The following PRKCZ variants were observed in gnomAD, a reference collection of about 807,000 sequenced individuals.
PRKCZ encodes the protein protein kinase C zeta, also known as protein kinase C zeta type.
In PRKCZ, 33 loss-of-function variants were observed where a neutral mutation model predicts 79.5. That is an observed-to-expected ratio of 0.41 (90% CI 0.31 to 0.55). The LOEUF (loss-of-function observed/expected upper bound fraction) is 0.55. Among genes scored for constraint, PRKCZ ranks in the 20% least tolerant of loss-of-function variants. PRKCZ has a pLI of 0.19. For synonymous variants in PRKCZ, 342 were observed against 320.9 expected (o/e 1.07, Z -0.70); for missense variants, 578 against 813.5 (o/e 0.71, Z 3.52).
At chr1:2,152,131 A>G (rs1240033633) in intron 9 of PRKCZ, among the ~76,000 whole-genome samples, 1 of 152,196 alleles carries the variant, frequency 6.6e-6, no homozygotes, top group African/African-American at 2.4e-5. Context: ...GATTACAGGC[A>G]TGAGTCACTA....
At chr1:2,143,884 C>G in intron 5 of PRKCZ, 1 of 258,950 alleles carries the variant, frequency 3.9e-6, no homozygotes, top group South Asian at 5.2e-5. Flanking sequence ...GGAGCTGCAG[C>G]CCCCCAGCCC....
At chr1:2,148,691 TGTGA>T (rs1679233414) in intron 7 of PRKCZ, among the ~76,000 whole-genome samples, 177 bp from the exon 8 acceptor site, 1 of 152,134 alleles carries the variant, frequency 6.6e-6, no homozygotes, top group South Asian at 2.1e-4. Context: ...AGTCGGCAGG[TGTGA>T]GTGGGGCCCA....
chr1:2,074,081 T>G, intron 4 of PRKCZ: 2 of 1,489,992 alleles, frequency 1.3e-6, no homozygotes, highest in Non-Finnish European at 1.8e-6. Flanking sequence ...GCACAGATGC[T>G]CCGGGCAGCA....
chr1:2,089,019 C>T (rs1665020894), intron 4 of PRKCZ, among the ~76,000 whole-genome samples: 2 of 152,190 alleles, frequency 1.3e-5, no homozygotes, highest in Non-Finnish European at 2.9e-5. Flanking sequence ...ATAGAAAATA[C>T]TAGTGATACG....
In PRKCZ at chr1:2,149,995, A is replaced by G. The variant is rs1679517012; in HGVS notation, c.688-795A>G. ...AACACGGTGAAACCCCGTCTCTACT[A>G]AAAATACAAAAAAAAAAAAAGCTGG... On this transcript the variant is annotated intron_variant, in intron 8 of 17. Transcript: ENST00000378567. This position sits in a 1 kb window ranked among gnomAD's most constrained non-coding sequence, Gnocchi z 4.1. Among the ~76,000 whole-genome samples, 1 of 150,770 alleles carries G rather than the reference A, an allele frequency of 6.6e-6. No homozygotes were observed. The highest frequency in any genetic ancestry group is 2.1e-4 in the South Asian group (1 of 4,782).
At chr1:2,169,670 G>T (rs1306970829) in intron 11 of PRKCZ, 66 bp downstream of exon 11, 79 of 893,894 alleles carry the variant, frequency 8.8e-5, no homozygotes, top group Non-Finnish European at 1.2e-4. Context: ...TGCGTGCGGT[G>T]TTGGGGGGCT....
intron 5 of PRKCZ, among the ~76,000 whole-genome samples, chr1:2,138,247 A>G (rs1056030190): frequency 2.6e-5 from 4 of 152,342 alleles, no homozygotes; most frequent in African/African-American, 9.6e-5. Context: ...TGAAGCGAGG[A>G]TGAAAGAGTG....
At chr1:2,155,909 A>C (rs1680942528) in intron 9 of PRKCZ, 86 bp from the exon 10 acceptor site, 3 of 1,140,594 alleles carry the variant, frequency 2.6e-6, no homozygotes, top group Non-Finnish European at 4.0e-6. Flanking sequence ...CGGAGGAAAG[A>C]GACTCCTCCC....
At position 2,144,432 on chromosome 1, in the gene PRKCZ, G is replaced by C. The variant is rs1204297181; in HGVS notation, c.552+91G>C. ...TGTCCAAGCAGACCTTGGTGACCCTGGGTTCTTCAAGAGGGGCCGTGGTGC... is the reference window on the plus strand; with the variant it reads ...TGTCCAAGCAGACCTTGGTGACCCTCGGTTCTTCAAGAGGGGCCGTGGTGC... On this transcript the variant is annotated intron_variant, in intron 6 of 17. Coordinates refer to ENST00000378567, the MANE Select transcript of PRKCZ (RefSeq NM_002744.6). 3 of 1,508,748 alleles carry C rather than the reference G, an allele frequency of 2.0e-6. No homozygotes were observed. The African/African-American group carries it at 4.2e-5, about 21-fold the overall frequency. 93.5% of individuals were successfully genotyped at this position (1,508,748 alleles called of 1,614,324 possible). A position where few individuals can be genotyped will look rare whatever the true frequency, so the allele number is the denominator to read the frequency against.
Position 2,055,508 on chromosome 1 carries a change from A to G in PRKCZ, c.139A>G (p.Met47Val), listed in dbSNP as rs771971829. The change falls in exon 2 of 18, where the codon ATG becomes GTG. Residue 47 changes from methionine to valine, a missense_variant. By Grantham distance (21) the Met-to-Val change is conservative. Coordinates refer to ENST00000378567, the MANE Select transcript of PRKCZ (RefSeq NM_002744.6). ...FEELCEEVRD[M>V]CRLHQQHPLT... ...GGAGCTCTGTGAGGAAGTGAGAGAC[A>G]TGTGTCGTCTGCACCAGCAGCACCC... 3.3e-5 allele frequency: 54 copies of G among 1,613,360 alleles called. No individual in the cohort carries two copies. The highest frequency in any genetic ancestry group is 4.4e-5 in the Non-Finnish European group (52 of 1,179,560).
At chr1:2,059,931 C>T (rs973223727) in intron 4 of PRKCZ, among the ~76,000 whole-genome samples, 10 of 152,208 alleles carry the variant, frequency 6.6e-5, no homozygotes, top group South Asian at 2.1e-4. Context: ...CTAGGCCAGT[C>T]GTCTGCTCCT....
chr1:2,050,914 T>G, intron 1 of PRKCZ: 2 of 368,862 alleles, frequency 5.4e-6, no homozygotes, highest in Non-Finnish European at 4.8e-6. Flanking sequence ...GGGACCGGGT[T>G]TCCCTGGGGT....
intron 16 of PRKCZ, among the ~76,000 whole-genome samples, chr1:2,179,094 A>G (rs571176836): frequency 6.6e-6 from 1 of 152,310 alleles, no homozygotes; most frequent in South Asian, 2.1e-4. Context: ...GTGTGTGCAG[A>G]GGGCCCCGTC....
intron 1 of PRKCZ, 147 bp downstream of exon 1, chr1:2,050,848 C>T: frequency 2.2e-6 from 1 of 458,298 alleles, no homozygotes; most frequent in Non-Finnish European, 3.5e-6. Context: ...GGTCCTCGGT[C>T]CCCGCCCGTG....
Position 2,174,123 on chromosome 1 carries a change from A to T in PRKCZ, c.1405+107A>T. ...CGCGGGTGCCTGGAGCGGCAGTGCCATGCAAAGCGTACCGGGAACCATTCC... is the reference window on the plus strand; with the variant it reads ...CGCGGGTGCCTGGAGCGGCAGTGCCTTGCAAAGCGTACCGGGAACCATTCC... On this transcript the variant is annotated intron_variant, in intron 14 of 17. Transcript: ENST00000378567. This position sits in a 1 kb window ranked among gnomAD's most constrained non-coding sequence, Gnocchi z 6.2. 7.3e-7 allele frequency: 1 copy of T among 1,370,890 alleles called. No individual in the cohort carries two copies. The allele number at this position is 1,370,890 out of a possible 1,614,324, so 84.9% of individuals were successfully genotyped here. A position where few individuals can be genotyped will look rare whatever the true frequency, so the allele number is the denominator to read the frequency against.
At chr1:2,183,414 A>T (rs1345699355) in intron 16 of PRKCZ, among the ~76,000 whole-genome samples, 1 of 151,972 alleles carries the variant, frequency 6.6e-6, no homozygotes, top group Non-Finnish European at 1.5e-5. Flanking sequence ...TGGGCTAGAG[A>T]GTGAGTGAGT....
At chr1:2,083,799 C>T (rs945638999) in intron 4 of PRKCZ, among the ~76,000 whole-genome samples, 3 of 152,130 alleles carry the variant, frequency 2.0e-5, no homozygotes, top group South Asian at 2.1e-4. Flanking sequence ...CTCTGAAACT[C>T]GGCACGTGGT....
chr1:2,136,859 C>G (rs1676296877), intron 5 of PRKCZ, among the ~76,000 whole-genome samples: 2 of 152,198 alleles, frequency 1.3e-5, no homozygotes, highest in African/African-American at 2.4e-5. Context: ...AACTTGCTCT[C>G]CGGCAGTCTG....
chr1:2,184,178 C>T (rs1687172143), intron 16 of PRKCZ: 1 of 189,434 alleles, frequency 5.3e-6, no homozygotes, highest in Non-Finnish European at 1.1e-5. Context: ...CTGTGCAGTG[C>T]CAGCGCAGGC....
Sources: gnomAD v4.1 joint callset for allele counts (sites outside exome capture counted in the v4.1 genomes callset) on GRCh38, gnomAD v4.1.1 for gene constraint, Gnocchi (gnomAD v3.1) non-coding constraint, MANE v1.5 for transcripts, NCBI Gene and HGNC (gene_info 2026-07-23, HGNC 2026-07-21) for gene names.